Variants in CX3CR1 observed in about 807,000 individuals in gnomAD.
The protein encoded by CX3CR1 is CX3C chemokine receptor 1.
For synonymous variants in CX3CR1, 168 were observed against 178.5 expected (o/e 0.94, Z 0.47); for missense variants, 363 against 432.4 (o/e 0.84, Z 1.42).
chr3:39,278,583 T>C (rs56252520), intron 1 of CX3CR1, among the ~76,000 whole-genome samples: 26,179 of 151,992 alleles, frequency 0.17, 2,513 homozygotes, highest in Non-Finnish European at 0.22. Flanking sequence ...TTTTCCTTTT[T>C]TTTTGGCTCA....
chr3:39,270,118 C>T (rs1283099130), intron 1 of CX3CR1, among the ~76,000 whole-genome samples: 1 of 152,174 alleles, frequency 6.6e-6, no homozygotes, highest in Non-Finnish European at 1.5e-5. Context: ...AGACTCGGGC[C>T]CTGGGCTTAG....
At chr3:39,270,211 A>G (rs1350380172) in intron 1 of CX3CR1, among the ~76,000 whole-genome samples, 1 of 152,246 alleles carries the variant, frequency 6.6e-6, no homozygotes, top group African/African-American at 2.4e-5. Flanking sequence ...GTAAAAAGGC[A>G]TCAAAACAAC....
At chr3:39,275,363 C>G (rs915610036) in intron 1 of CX3CR1, among the ~76,000 whole-genome samples, 3 of 152,136 alleles carry the variant, frequency 2.0e-5, no homozygotes, top group African/African-American at 2.4e-5. Context: ...AACTGAAGAG[C>G]CTTGCTCAGT....
the CX3CR1 span, among the ~76,000 whole-genome samples, chr3:39,290,335 G>T: frequency 2.6e-5 from 4 of 151,950 alleles, no homozygotes; most frequent in East Asian, 7.7e-4. Flanking sequence ...CCCTCATGCC[G>T]ATCAGAGGTG....
At chr3:39,269,343 G>A (rs760976667) in intron 1 of CX3CR1, among the ~76,000 whole-genome samples, 7 of 152,128 alleles carry the variant, frequency 4.6e-5, no homozygotes, top group Non-Finnish European at 7.4e-5. Context: ...TGGGCTCAGG[G>A]CTGCCACGTG....
chr3:39,283,384 T>C (rs189356628), upstream of CX3CR1, among the ~76,000 whole-genome samples: 2 of 152,292 alleles, frequency 1.3e-5, no homozygotes, highest in African/African-American at 4.8e-5. Flanking sequence ...AAATTGGTTC[T>C]GGAAGGTTCT....
upstream of CX3CR1, chr3:39,285,912 A>G (rs2040939241): frequency 6.6e-6 from 1 of 152,208 alleles, no homozygotes. Flanking sequence ...AATAAGGAAA[A>G]TAATAGTTGT....
chr3:39,284,648 C>G (rs926128754), upstream of CX3CR1, among the ~76,000 whole-genome samples: 1 of 152,246 alleles, frequency 6.6e-6, no homozygotes, highest in Admixed American at 6.5e-5. Context: ...ATGCCAGGCC[C>G]TGTGCGAGGC....
the CX3CR1 span, chr3:39,286,883 G>A: frequency 6.6e-6 from 1 of 152,180 alleles, no homozygotes; most frequent in Non-Finnish European, 1.5e-5. Context: ...TGCAAACATA[G>A]CAAAGGCTGT....
intron 1 of CX3CR1, among the ~76,000 whole-genome samples, chr3:39,274,307 A>C (rs2040813509): frequency 6.6e-6 from 1 of 152,112 alleles, no homozygotes. Context: ...GGGGTGCTGA[A>C]TTCCATGTTA....
upstream of CX3CR1, among the ~76,000 whole-genome samples, chr3:39,282,288 TC>T (rs2040910187): frequency 6.6e-6 from 1 of 152,136 alleles, no homozygotes; most frequent in African/African-American, 2.4e-5. Flanking sequence ...CTGGGAATTC[TC>T]TCCTCCCTGA....
the CX3CR1 span, chr3:39,286,758 T>C: frequency 6.6e-6 from 1 of 151,844 alleles, no homozygotes; most frequent in Admixed American, 6.6e-5. Flanking sequence ...TGATAAACTC[T>C]CTCAGTTGGA....
chr3:39,281,322 C>T (rs533323468), upstream of CX3CR1: 1 of 919,978 alleles, frequency 1.1e-6, no homozygotes. Context: ...CCCTCCCCAC[C>T]CCACACCACC....
Position 39,265,887 on chromosome 3 carries a change from C to T in CX3CR1, c.623G>A (p.Ser208Asn), listed in dbSNP as rs2040689293. 2.5e-6 allele frequency: 4 copies of T among 1,614,106 alleles called. No individual in the cohort carries two copies. The highest frequency in any genetic ancestry group is 1.3e-5 in the African/African-American group (1 of 74,928). Residue 208 changes from serine to asparagine, a missense_variant, in exon 2 of 2, where the codon AGT becomes AAT. Ser to Asn is a conservative substitution (Grantham distance 46, BLOSUM62 1). Transcript: ENST00000399220. ...LGFLLPLLIM[S>N]YCYFRIIQTL... ...CTGGATGATTCTGAAGTAGCAATAA[C>T]TCATAATGAGCAGGGGGAGTAGGAA...
upstream of CX3CR1, chr3:39,281,601 C>T (rs749938443): frequency 2.7e-5 from 43 of 1,598,662 alleles, no homozygotes; most frequent in Middle Eastern, 9.9e-4. Context: ...TTTCCTCTCA[C>T]CACTTACCCC....
upstream of CX3CR1, chr3:39,280,047 C>T (rs36230802): frequency 3.6e-4 from 355 of 985,074 alleles, 1 homozygote; most frequent in Non-Finnish European, 4.1e-4. Context: ...CCTTTCCTTC[C>T]CTCTAAGAGC....
upstream of CX3CR1, chr3:39,280,389 A>C (rs1305656267): frequency 3.0e-6 from 3 of 985,406 alleles, no homozygotes; most frequent in African/African-American, 5.2e-5. Context: ...GAGGGAGCCC[A>C]GAGTACTCAC....
intron 1 of CX3CR1, 111 bp from the exon 2 acceptor site, chr3:39,266,629 G>A (rs748702545): frequency 9.6e-7 from 1 of 1,046,424 alleles, no homozygotes. Context: ...TTGGTTGGGT[G>A]CACACTACAT....
the CX3CR1 span, among the ~76,000 whole-genome samples, chr3:39,291,545 C>T: frequency 6.6e-6 from 1 of 152,134 alleles, no homozygotes; most frequent in Admixed American, 6.6e-5. Context: ...ATTTTGTGTT[C>T]CTTTTTTGGG....
Sources: allele counts gnomAD v4.1 joint callset (sites outside exome capture counted in the v4.1 genomes callset), GRCh38; gene constraint gnomAD v4.1.1; transcripts MANE v1.5; gene names NCBI Gene and HGNC (gene_info 2026-07-23, HGNC 2026-07-21).